TLN2: variants seen among roughly 807,000 people sequenced by gnomAD.
The protein encoded by TLN2 is talin 2.
In TLN2, 118 loss-of-function variants were observed where a neutral mutation model predicts 294.7. The observed-to-expected ratio is 0.40, with a 90% CI of 0.34 to 0.47. TLN2 has a LOEUF of 0.47. TLN2 is among the 20% of genes least tolerant of loss of function. The pLI is 0.84. For synonymous variants in TLN2, 1,431 were observed against 1,304.5 expected (o/e 1.10, Z -2.09); for missense variants, 3,083 against 3,282.2 (o/e 0.94, Z 1.48).
In TLN2 at chr15:62,477,548, G is replaced by A. The variant is rs186672727; in HGVS notation, c.-238+86863G>A. ...GTCCTCCTTAAGGTTATCATAGGTT[G>A]TAGGTTTGTCCATTGAACCCTCCCT... is the stretch of plus-strand genomic sequence containing the variant. On this transcript the variant is annotated intron_variant, in intron 1 of 58. Transcript: ENST00000636159. 3.8e-4 allele frequency among the ~76,000 whole-genome samples: 58 copies of A among 152,278 alleles called. 1 individual carries two copies. In the South Asian group the frequency reaches 7.5e-3, roughly 20 times the overall value.
At chr15:62,537,834 G>T (rs2041449623) in intron 1 of TLN2, among the ~76,000 whole-genome samples, 1 of 152,136 alleles carries the variant, frequency 6.6e-6, no homozygotes, top group South Asian at 2.1e-4. Context: ...ATCTAAACAG[G>T]GCATCCTTTC....
At chr15:62,703,355 C>T (rs1466107264) in intron 19 of TLN2, among the ~76,000 whole-genome samples, 1 of 152,102 alleles carries the variant, frequency 6.6e-6, no homozygotes, top group Non-Finnish European at 1.5e-5. Context: ...CCGTCTCGGC[C>T]TCCCAAAGTG....
chr15:62,394,771 C>A (rs956973138), intron 1 of TLN2, among the ~76,000 whole-genome samples: 1 of 152,154 alleles, frequency 6.6e-6, no homozygotes, highest in African/African-American at 2.4e-5. Context: ...ACCACCCTGA[C>A]AATCTTTGGC....
At position 62,650,068 on chromosome 15, in the gene TLN2, C is replaced by T; in HGVS notation, c.137-16C>T. On this transcript the variant is annotated splice_polypyrimidine_tract_variant and intron_variant, in intron 4 of 58. Coordinates refer to ENST00000636159, the MANE Select transcript of TLN2 (RefSeq NM_015059.3). ...CACCACTTTGCCTTCTGTTTTTCTTCCCATTTATATTTCAGCTTCTGACTA... is the reference window on the plus strand; with the variant it reads ...CACCACTTTGCCTTCTGTTTTTCTTTCCATTTATATTTCAGCTTCTGACTA... 1 of 1,613,528 alleles carries T rather than the reference C, an allele frequency of 6.2e-7. No individual in the cohort carries two copies. Among genetic ancestry groups the T allele is most frequent in the Non-Finnish European group, 8.5e-7 (1 of 1,179,592 alleles).
chr15:62,696,367 C>T (rs931425157), intron 14 of TLN2, among the ~76,000 whole-genome samples: 1 of 152,198 alleles, frequency 6.6e-6, no homozygotes, highest in Admixed American at 6.5e-5. Context: ...AGATGATCAG[C>T]GTCCTTTGCA....
chr15:62,802,805 A>T (rs1415901823), intron 50 of TLN2, among the ~76,000 whole-genome samples: 1 of 152,070 alleles, frequency 6.6e-6, no homozygotes, highest in Non-Finnish European at 1.5e-5. Context: ...TGTAGTTTTG[A>T]TTTGCATTTC....
chr15:62,466,701 A>C (rs2037154671), intron 1 of TLN2, among the ~76,000 whole-genome samples: 1 of 152,230 alleles, frequency 6.6e-6, no homozygotes, highest in East Asian at 1.9e-4. Context: ...CCAGTAGGTA[A>C]CACTGGCTGA....
In TLN2 at chr15:62,794,078, A is replaced by G. The variant is rs533298595; in HGVS notation, c.5883+1291A>G. 1.1e-3 allele frequency among the ~76,000 whole-genome samples: 162 copies of G among 152,234 alleles called. 1 individual carries two copies. Among genetic ancestry groups the G allele is most frequent in the African/African-American group, 3.5e-3 (146 of 41,580 alleles). Reference sequence around the variant, plus strand: ...GAAGTTATTCTTGCCAAGTTCCCCCATAAAAGGCCTTATAGCGGGAGCACC... The same window carrying G: ...GAAGTTATTCTTGCCAAGTTCCCCCGTAAAAGGCCTTATAGCGGGAGCACC... On this transcript the variant is annotated intron_variant, in intron 46 of 58. Transcript: ENST00000636159.
chr15:62,700,421 G>T (rs76309837), intron 16 of TLN2, among the ~76,000 whole-genome samples: 1 of 152,036 alleles, frequency 6.6e-6, no homozygotes, highest in African/African-American at 2.4e-5. Context: ...TCAAATAAAC[G>T]TAAAGTATAA....
In TLN2 at chr15:62,800,667, T is replaced by C. The variant is rs1002786445; in HGVS notation, c.6375T>C (p.Asn2125=). The change falls in exon 50 of 59, where the codon AAT becomes AAC. Residue 2125 remains asparagine (N), a synonymous_variant. Coordinates refer to ENST00000636159, the MANE Select transcript of TLN2 (RefSeq NM_015059.3). ...LKGAAKVMVT[N]VTSLLKTVKA... ...TTCCTATGCAGGTGATGGTGACCAA[T>C]GTCACCTCGCTCCTCAAGACTGTAA... 6.2e-7 allele frequency: 1 copy of C among 1,614,052 alleles called. No individual in the cohort carries two copies. Among genetic ancestry groups the C allele is most frequent in the Non-Finnish European group, 8.5e-7 (1 of 1,180,024 alleles).
chr15:62,452,377 CAA>C (rs1346354119), intron 1 of TLN2, among the ~76,000 whole-genome samples: 2 of 152,176 alleles, frequency 1.3e-5, no homozygotes, highest in African/African-American at 2.4e-5. Flanking sequence ...GAATTAGACA[CAA>C]GAGAGAGAAA....
chr15:62,758,256 T>TA (rs2062435980), intron 37 of TLN2, among the ~76,000 whole-genome samples: 1 of 152,112 alleles, frequency 6.6e-6, no homozygotes, highest in African/African-American at 2.4e-5. Context: ...TGGCACTCTT[T>TA]AAAATCCCAG....
intron 42 of TLN2, 58 bp downstream of exon 42, chr15:62,771,192 C>A: frequency 6.6e-7 from 1 of 1,505,860 alleles, no homozygotes; most frequent in Non-Finnish European, 8.9e-7. Flanking sequence ...TCATGCATTC[C>A]TGCTGTAATG....
intron 3 of TLN2, among the ~76,000 whole-genome samples, chr15:62,628,214 C>T (rs956622888): frequency 3.3e-5 from 5 of 152,186 alleles, no homozygotes; most frequent in Non-Finnish European, 7.3e-5. Flanking sequence ...AATTTTTCTC[C>T]TTTACTAGTA....
intron 54 of TLN2, among the ~76,000 whole-genome samples, chr15:62,821,440 TGG>T (rs2067558718): frequency 6.6e-6 from 1 of 152,252 alleles, no homozygotes; most frequent in Non-Finnish European, 1.5e-5. Flanking sequence ...AAAAAAGGGC[TGG>T]ATTCCACCAA....
At chr15:62,659,144 T>C (rs573060791) in intron 9 of TLN2, among the ~76,000 whole-genome samples, 1 of 152,340 alleles carries the variant, frequency 6.6e-6, no homozygotes, top group East Asian at 1.9e-4. Flanking sequence ...ATTAGCTCCC[T>C]TTCTCCATAG....
intron 1 of TLN2, among the ~76,000 whole-genome samples, chr15:62,527,251 A>G (rs1430529739): frequency 1.3e-5 from 2 of 152,146 alleles, no homozygotes; most frequent in Non-Finnish European, 2.9e-5. Flanking sequence ...GGTGATGATG[A>G]TGAGCGAGAT....
intron 47 of TLN2, among the ~76,000 whole-genome samples, chr15:62,796,747 C>T (rs1202840111): frequency 6.6e-6 from 1 of 152,222 alleles, no homozygotes; most frequent in African/African-American, 2.4e-5. Context: ...TGTCCTATAC[C>T]TTTCTTCCCC....
chr15:62,735,744 G>T (rs1375266139), intron 28 of TLN2, among the ~76,000 whole-genome samples: 1 of 152,128 alleles, frequency 6.6e-6, no homozygotes, highest in East Asian at 1.9e-4. Flanking sequence ...ATATCTAAGA[G>T]AAGTGATCCC....
Sources: allele counts gnomAD v4.1 joint callset (sites outside exome capture counted in the v4.1 genomes callset), GRCh38; gene constraint gnomAD v4.1.1; transcripts MANE v1.5; gene names NCBI Gene and HGNC (gene_info 2026-07-23, HGNC 2026-07-21).